The following ZBTB20 variants were observed in gnomAD, a reference collection of about 807,000 sequenced individuals.
ZBTB20 encodes the protein zinc finger and BTB domain-containing protein 20.
ZBTB20 carries 9 observed loss-of-function variants against 56.9 expected under a neutral mutation model. The observed-to-expected ratio is 0.16, with a 90% CI of 0.10 to 0.28. The LOEUF (loss-of-function observed/expected upper bound fraction) is 0.28. ZBTB20 is among the 10% of genes least tolerant of loss of function. The pLI, the probability that ZBTB20 is intolerant of heterozygous loss-of-function variation, is 1.00. For synonymous variants in ZBTB20, 417 were observed against 420.7 expected (o/e 0.99, Z 0.11); for missense variants, 655 against 1,003.0 (o/e 0.65, Z 4.69).
At chr3:114,845,520 C>T (rs1329127424) in intron 4 of ZBTB20, among the ~76,000 whole-genome samples, 7 of 151,524 alleles carry the variant, frequency 4.6e-5, no homozygotes, top group African/African-American at 9.7e-5. Flanking sequence ...TCACCTCGCC[C>T]GTGACTCAAG....
At chr3:114,544,944 T>C (rs1260480364) in intron 6 of ZBTB20, among the ~76,000 whole-genome samples, 6 of 152,194 alleles carry the variant, frequency 3.9e-5, no homozygotes, top group Non-Finnish European at 7.3e-5. Flanking sequence ...ACAATAAATC[T>C]AGAAGAATGA....
chr3:114,773,518 A>G (rs2069363832), intron 5 of ZBTB20, among the ~76,000 whole-genome samples: 1 of 152,208 alleles, frequency 6.6e-6, no homozygotes, highest in African/African-American at 2.4e-5. Context: ...ATACCTCGAG[A>G]CTAAAGGAAA....
intron 4 of ZBTB20, among the ~76,000 whole-genome samples, chr3:114,826,390 G>A (rs868665495): frequency 4.0e-4 from 60 of 151,586 alleles, no homozygotes; most frequent in East Asian, 1.4e-3. Flanking sequence ...TACCCCTACC[G>A]GATAATCCCC....
chr3:114,983,784 T>C (rs1263893463), intron 2 of ZBTB20, among the ~76,000 whole-genome samples: 2 of 152,050 alleles, frequency 1.3e-5, no homozygotes, highest in Non-Finnish European at 2.9e-5. Flanking sequence ...ATTAACTGAA[T>C]TTTCAATTAT....
rs1391722069 is a variant in ZBTB20 at position 115,138,789 on chromosome 3, T to C, written c.-703+8430A>G. Among the ~76,000 whole-genome samples the C allele has an allele frequency of 2.0e-5, 3 of 152,112 alleles. No homozygotes were observed. The East Asian group carries it at 5.8e-4, about 29-fold the overall frequency. On this transcript the variant is annotated intron_variant, in intron 1 of 11. Transcript: ENST00000675478. ...GATCTCAGTAAATGTTGGCTACTATTGGTGTTGGTGGTGTGATTAGTATTC... is the reference window on the plus strand; with the variant it reads ...GATCTCAGTAAATGTTGGCTACTATCGGTGTTGGTGGTGTGATTAGTATTC...
At chr3:114,666,464 CT>C (rs1293423539) in intron 6 of ZBTB20, among the ~76,000 whole-genome samples, 1 of 151,968 alleles carries the variant, frequency 6.6e-6, no homozygotes, top group Non-Finnish European at 1.5e-5. Context: ...TTAGCTATTT[CT>C]TTTTGTATGC....
intron 6 of ZBTB20, among the ~76,000 whole-genome samples, chr3:114,553,490 G>T (rs1236336708): frequency 2.0e-5 from 3 of 151,954 alleles, no homozygotes; most frequent in Admixed American, 1.3e-4. Context: ...AAGTATACTG[G>T]GCTTTCCTTT....
chr3:115,117,361 C>T (rs1011174792), intron 1 of ZBTB20, among the ~76,000 whole-genome samples: 4 of 152,104 alleles, frequency 2.6e-5, no homozygotes, highest in Non-Finnish European at 4.4e-5. Flanking sequence ...TTCCTTAACA[C>T]TTCTGTGTAA....
intron 1 of ZBTB20, among the ~76,000 whole-genome samples, chr3:115,084,420 T>C (rs914988539): frequency 3.3e-5 from 5 of 151,788 alleles, no homozygotes; most frequent in Non-Finnish European, 5.9e-5. Context: ...TAGTAAACAC[T>C]GAAATATTTG....
At chr3:114,370,846 G>A (rs913583265) in intron 10 of ZBTB20, among the ~76,000 whole-genome samples, 1 of 152,150 alleles carries the variant, frequency 6.6e-6, no homozygotes, top group Non-Finnish European at 1.5e-5. Context: ...TCCTTTAAAT[G>A]CTTTTCATCT....
intron 3 of ZBTB20, among the ~76,000 whole-genome samples, chr3:114,902,251 G>A (rs913117692): frequency 6.6e-6 from 1 of 152,070 alleles, no homozygotes; most frequent in Non-Finnish European, 1.5e-5. Context: ...AATAATTTAG[G>A]ACTTCAAATC....
At chr3:114,511,529 CAT>C (rs2045386443) in intron 6 of ZBTB20, among the ~76,000 whole-genome samples, 1 of 152,080 alleles carries the variant, frequency 6.6e-6, no homozygotes, top group African/African-American at 2.4e-5. Context: ...GGTTAGAGAT[CAT>C]ATATGTCTTA....
intron 6 of ZBTB20, among the ~76,000 whole-genome samples, chr3:114,655,533 T>C (rs2060362582): frequency 2.0e-5 from 3 of 151,880 alleles, no homozygotes; most frequent in Non-Finnish European, 4.4e-5. Flanking sequence ...ATTACAGGCG[T>C]GAGCCACCGC....
intron 6 of ZBTB20, among the ~76,000 whole-genome samples, chr3:114,676,682 C>A (rs2061645315): frequency 6.6e-6 from 1 of 151,844 alleles, no homozygotes; most frequent in South Asian, 2.1e-4. Context: ...ATATAATATA[C>A]CAATGTCTAA....
At chr3:114,754,438 C>T (rs897872685) in intron 5 of ZBTB20, among the ~76,000 whole-genome samples, 1 of 152,092 alleles carries the variant, frequency 6.6e-6, no homozygotes, top group African/African-American at 2.4e-5. Context: ...ACAGGGTTTT[C>T]TTATGTTTTG....
chr3:114,765,701 C>T (rs1444786004), intron 5 of ZBTB20, among the ~76,000 whole-genome samples: 2 of 152,094 alleles, frequency 1.3e-5, no homozygotes, highest in Non-Finnish European at 2.9e-5. Flanking sequence ...AAATCAAGTT[C>T]AGAATATATT....
chr3:114,926,906 T>C (rs1023566537), intron 3 of ZBTB20, among the ~76,000 whole-genome samples: 7 of 152,128 alleles, frequency 4.6e-5, no homozygotes, highest in African/African-American at 1.7e-4. Flanking sequence ...ATCTGGCTAA[T>C]TTTCTATTTT....
intron 2 of ZBTB20, among the ~76,000 whole-genome samples, chr3:114,979,252 T>C (rs749360036): frequency 6.6e-6 from 1 of 151,876 alleles, no homozygotes; most frequent in Non-Finnish European, 1.5e-5. Flanking sequence ...ATAGATGAAA[T>C]GTTCATCGAT....
At chr3:115,106,933 A>G (rs1167175548) in intron 1 of ZBTB20, among the ~76,000 whole-genome samples, 1 of 152,252 alleles carries the variant, frequency 6.6e-6, no homozygotes. Flanking sequence ...AACAAACAAC[A>G]GTACATAGGG....
Sources: allele counts gnomAD v4.1 joint callset (sites outside exome capture counted in the v4.1 genomes callset), GRCh38; gene constraint gnomAD v4.1.1; transcripts MANE v1.5; gene names NCBI Gene and HGNC (gene_info 2026-07-23, HGNC 2026-07-21).